The following ASIC2 variants were observed in gnomAD, a reference collection of about 807,000 sequenced individuals.
ASIC2 encodes acid sensing ion channel subunit 2.
ASIC2 carries 25 observed loss-of-function variants against 57.3 expected under a neutral mutation model. That is an observed-to-expected ratio of 0.44 (90% confidence interval 0.32 to 0.61). The LOEUF (loss-of-function observed/expected upper bound fraction) is 0.61, where lower values mean the gene tolerates loss of function less well. Ranked by LOEUF, ASIC2 falls within the 20% of genes least tolerant of loss-of-function variation. The pLI is 0.06. For missense variants in ASIC2, 641 were observed against 738.1 expected (o/e 0.87, Z 1.52); for synonymous variants, 319 against 307.5 (o/e 1.04, Z -0.39).
rs543581283 is a variant in ASIC2, at chr17:33,774,952, T to C, written c.555+381026A>G. Among the ~76,000 whole-genome samples the C allele has an allele frequency of 2.6e-5, 4 of 152,316 alleles. No homozygotes were observed. In the East Asian group the frequency reaches 7.7e-4, roughly 29 times the overall value. On this transcript the variant is annotated intron_variant, in intron 1 of 9. Coordinates refer to the ASIC2 transcript ENST00000359872. ...AGGGATCCTTAACAGGTATTTGGTG[T>C]GAGGGAACCCAGGCCAATGCAACAG...
chr17:33,195,565 T>C (rs1036551711), intron 1 of ASIC2, among the ~76,000 whole-genome samples: 5 of 152,222 alleles, frequency 3.3e-5, no homozygotes, highest in African/African-American at 9.7e-5. Context: ...TTACTGGCCA[T>C]CAACTTTTTT....
intron 1 of ASIC2, among the ~76,000 whole-genome samples, chr17:34,099,150 G>GAC (rs1910683045): frequency 4.3e-5 from 1 of 23,232 alleles, no homozygotes; most frequent in East Asian, 1.2e-3. Context: ...GAGAGACAGA[G>GAC]AGAGAGAGAG....
intron 1 of ASIC2, among the ~76,000 whole-genome samples, chr17:33,347,273 G>T (rs1419179246): frequency 1.3e-5 from 2 of 152,224 alleles, no homozygotes; most frequent in South Asian, 2.1e-4. Flanking sequence ...ATCTTAGAGA[G>T]TGTCTACCTA....
At chr17:33,776,580 G>A (rs1435472259) in intron 1 of ASIC2, among the ~76,000 whole-genome samples, 1 of 152,136 alleles carries the variant, frequency 6.6e-6, no homozygotes, top group Non-Finnish European at 1.5e-5. Context: ...GCTGGCCTTG[G>A]GCCTGGAACT....
At chr17:33,948,606 C>T (rs1448030554) in intron 1 of ASIC2, among the ~76,000 whole-genome samples, 1 of 152,212 alleles carries the variant, frequency 6.6e-6, no homozygotes, top group Non-Finnish European at 1.5e-5. Context: ...ACAGAGAAGG[C>T]GTGAGGACTG....
At chr17:34,154,927 T>C (rs1277485996) in intron 1 of ASIC2, among the ~76,000 whole-genome samples, 1 of 152,086 alleles carries the variant, frequency 6.6e-6, no homozygotes, top group Non-Finnish European at 1.5e-5. Flanking sequence ...CTGTATGACC[T>C]ATTATGCCAA....
intron 1 of ASIC2, among the ~76,000 whole-genome samples, chr17:33,260,349 T>C (rs2346691): frequency 0.4 from 61,436 of 152,024 alleles, 12,419 homozygotes; most frequent in Middle Eastern, 0.48. Context: ...ACCAGACGCA[T>C]GCAGCTCACA....
At chr17:34,072,776 A>G (rs1323232474) in intron 1 of ASIC2, among the ~76,000 whole-genome samples, 2 of 152,204 alleles carry the variant, frequency 1.3e-5, no homozygotes, top group African/African-American at 4.8e-5. Flanking sequence ...TGAGAAACTC[A>G]TTTTATTTGT....
At chr17:33,847,204 G>A (rs1391458341) in intron 1 of ASIC2, among the ~76,000 whole-genome samples, 1 of 151,634 alleles carries the variant, frequency 6.6e-6, no homozygotes. Context: ...GTTTCTAGTA[G>A]CTTCAGGCTC....
intron 1 of ASIC2, among the ~76,000 whole-genome samples, chr17:33,554,329 A>C (rs141080371): frequency 2.3e-3 from 356 of 151,624 alleles, no homozygotes; most frequent in African/African-American, 8.0e-3. Flanking sequence ...ATAGTAATGG[A>C]GTTAGACTAT....
intron 1 of ASIC2, among the ~76,000 whole-genome samples, chr17:33,389,166 C>T (rs149024881): frequency 6.6e-6 from 1 of 152,136 alleles, no homozygotes; most frequent in African/African-American, 2.4e-5. Context: ...TGCTGTGTTG[C>T]CCTGGCTGGT....
chr17:33,674,852 T>G (rs1048984880), intron 1 of ASIC2, among the ~76,000 whole-genome samples: 2 of 152,180 alleles, frequency 1.3e-5, no homozygotes, highest in East Asian at 3.9e-4. Context: ...AGGCCCTGCA[T>G]TTGTGGTCTG....
chr17:33,922,385 C>T (rs756341765), intron 1 of ASIC2, among the ~76,000 whole-genome samples: 20 of 151,958 alleles, frequency 1.3e-4, no homozygotes, highest in Non-Finnish European at 1.5e-4. Flanking sequence ...TCACTGGTTT[C>T]AGACTGAAAG....
chr17:33,454,817 G>A (rs565846855), intron 1 of ASIC2, among the ~76,000 whole-genome samples: 63 of 152,286 alleles, frequency 4.1e-4, no homozygotes, highest in African/African-American at 1.5e-3. Context: ...TCCTCACATG[G>A]TGGAAGGAAC....
chr17:33,354,506 T>C (rs1908303181), intron 1 of ASIC2, among the ~76,000 whole-genome samples: 1 of 152,098 alleles, frequency 6.6e-6, no homozygotes, highest in South Asian at 2.1e-4. Context: ...GCCTAAACCC[T>C]CAGCCAGGTC....
At chr17:33,528,153 C>T (rs190042794) in intron 1 of ASIC2, among the ~76,000 whole-genome samples, 1 of 31,202 alleles carries the variant, frequency 3.2e-5, no homozygotes, top group African/African-American at 1.3e-4. Flanking sequence ...CCTGGCTGAC[C>T]CGTGTATGTG....
intron 1 of ASIC2, among the ~76,000 whole-genome samples, chr17:33,971,987 G>T (rs1283404454): frequency 6.6e-6 from 1 of 152,144 alleles, no homozygotes; most frequent in Non-Finnish European, 1.5e-5. Context: ...GTTACTAAGT[G>T]CTTTCCCATT....
intron 1 of ASIC2, among the ~76,000 whole-genome samples, chr17:33,246,732 C>T (rs1478758902): frequency 6.6e-6 from 1 of 152,202 alleles, no homozygotes; most frequent in African/African-American, 2.4e-5. Context: ...CATACGTTAT[C>T]CCATTTGATT....
chr17:33,130,354 A>G (rs1300739249), intron 1 of ASIC2, among the ~76,000 whole-genome samples: 1 of 152,176 alleles, frequency 6.6e-6, no homozygotes, highest in Non-Finnish European at 1.5e-5. Context: ...GGAAACAAGA[A>G]TGGCAAAATG....
Sources: gnomAD v4.1 joint callset for allele counts (sites outside exome capture counted in the v4.1 genomes callset) on GRCh38, gnomAD v4.1.1 for gene constraint, MANE v1.5 for transcripts, NCBI Gene and HGNC (gene_info 2026-07-23, HGNC 2026-07-21) for gene names.